Variants in DHRS4L2 observed in about 807,000 individuals in gnomAD.
DHRS4L2 encodes the protein dehydrogenase/reductase 4 like 2, also known as dehydrogenase/reductase SDR family member 4-like 2.
In DHRS4L2, 22 loss-of-function variants were observed where a neutral mutation model predicts 23.9. That is an observed-to-expected ratio of 0.92 (90% CI 0.66 to 1.31). DHRS4L2 has a LOEUF of 1.31. Ranked by LOEUF, DHRS4L2 falls within the 40% of genes most tolerant of loss-of-function variation. The pLI, the probability that DHRS4L2 is intolerant of heterozygous loss-of-function variation, is 0.00. For synonymous variants in DHRS4L2, 141 were observed against 123.7 expected (o/e 1.14, Z -0.93); for missense variants, 385 against 303.3 (o/e 1.27, Z -2.00).
At chr14:23,969,901 G>C (rs554529796) in exon 1 of DHRS4L2, 8 of 431,150 alleles carry the variant, frequency 1.9e-5, no homozygotes, top group East Asian at 7.2e-5. Context: ...TCTCCGGGCC[G>C]GCGTGGGAGC....
Position 23,982,210 on chromosome 14 carries a change from C to T in DHRS4L2, c.-175-7972C>T, listed in dbSNP as rs147603924. On this transcript the variant is annotated intron_variant, in intron 1 of 5. Transcript: ENST00000534993. ...TGCGGCTTTCCGCAGTGCATTGTGC[C>T]CCTGATTTATTGAGACTGAAGAATG... Among the ~76,000 whole-genome samples, 141 of 151,646 alleles carry T rather than the reference C, an allele frequency of 9.3e-4. 1 individual carries two copies. Among genetic ancestry groups the T allele is most frequent in the African/African-American group, 3.3e-3 (138 of 41,338 alleles).
At chr14:23,984,742 G>A (rs1256941310), upstream of DHRS4L2, among the ~76,000 whole-genome samples, 1 of 146,840 alleles carries the variant, frequency 6.8e-6, no homozygotes, top group Non-Finnish European at 1.5e-5. Context: ...GGGAGGCAGA[G>A]GTTGCAGTGA....
At chr14:23,990,056 C>G (rs2138534353) in intron 1 of DHRS4L2, 126 bp from the exon 2 acceptor site, 1 of 1,431,432 alleles carries the variant, frequency 7.0e-7, no homozygotes, top group South Asian at 1.4e-5. Flanking sequence ...ACATAGTAGG[C>G]ACACGTAGGA....
chr14:23,995,761 CT>C (rs1566498033), intron 3 of DHRS4L2, among the ~76,000 whole-genome samples: 2 of 151,698 alleles, frequency 1.3e-5, no homozygotes, highest in Non-Finnish European at 2.9e-5. Context: ...CACACACACC[CT>C]TTAATTACAA....
exon 1 of DHRS4L2, chr14:23,969,892 C>T (rs1332303132): frequency 3.3e-5 from 14 of 424,228 alleles, no homozygotes; most frequent in African/African-American, 2.6e-4. Flanking sequence ...TCGGGCAGCT[C>T]TCCGGGCCGG....
upstream of DHRS4L2, chr14:23,988,891 G>T (rs1566493276): frequency 6.3e-7 from 1 of 1,596,694 alleles, no homozygotes; most frequent in South Asian, 1.1e-5. Flanking sequence ...CTGCCCCTTC[G>T]CCCTACTCTG....
chr14:24,005,920 T>A lies in DHRS4L2; in HGVS notation c.*57T>A. ...GCCAGAGGATTGTGCTGGCATCGTG[T>A]CTTTCCTGTGCTCTGAAGATGCCAG... On this transcript the variant is annotated 3_prime_UTR_variant, in exon 8 of 8. Coordinates refer to ENST00000335125, the MANE Select transcript of DHRS4L2 (RefSeq NM_198083.4). 2 of 1,609,074 alleles carry A rather than the reference T, an allele frequency of 1.2e-6. No homozygotes were observed. The highest frequency in any genetic ancestry group is 1.7e-6 in the Non-Finnish European group (2 of 1,177,984).
intron 3 of DHRS4L2, among the ~76,000 whole-genome samples, chr14:23,999,270 C>A (rs1480001453): frequency 1.4e-5 from 2 of 143,598 alleles, no homozygotes; most frequent in Non-Finnish European, 3.0e-5. Context: ...AAATGTGACC[C>A]AGAGACAAAG....
In DHRS4L2 at chr14:24,004,253, A is replaced by G. The variant is rs2034527388; in HGVS notation, c.666-84A>G. The G allele has an allele frequency of 3.2e-5, 47 of 1,469,376 alleles. No individual in the cohort carries two copies. In the South Asian group the frequency reaches 5.3e-4, roughly 17 times the overall value. The allele number at this position is 1,469,376 out of a possible 1,614,324, so 91.0% of individuals were successfully genotyped here. Reference sequence around the variant, plus strand: ...CACTACAGTCCGGCCTGGGCAAAAGAGCAAGACTCCGTCTCTAAAAAAAAA... The same window carrying G: ...CACTACAGTCCGGCCTGGGCAAAAGGGCAAGACTCCGTCTCTAAAAAAAAA... On this transcript the variant is annotated intron_variant, in intron 6 of 7. Coordinates refer to ENST00000335125, the MANE Select transcript of DHRS4L2 (RefSeq NM_198083.4).
chr14:23,975,145 G>A (rs1335965418), intron 1 of DHRS4L2, among the ~76,000 whole-genome samples: 2 of 151,674 alleles, frequency 1.3e-5, no homozygotes, highest in Admixed American at 1.3e-4. Context: ...AAGTCAAATT[G>A]TCTCTGTTTG....
At chr14:24,001,354 T>C in intron 5 of DHRS4L2, 30 bp from the exon 6 acceptor site, 2 of 1,594,822 alleles carry the variant, frequency 1.3e-6, no homozygotes, top group Non-Finnish European at 1.7e-6. Flanking sequence ...CTGGAAACTA[T>C]GAGTCTAACA....
intron 1 of DHRS4L2, among the ~76,000 whole-genome samples, chr14:23,977,577 G>A (rs1172426650): frequency 6.6e-6 from 1 of 151,708 alleles, no homozygotes; most frequent in Non-Finnish European, 1.5e-5. Flanking sequence ...AAATTTAAAA[G>A]CTGTGGGAAC....
At chr14:23,970,688 T>C (rs1416607002) in intron 1 of DHRS4L2, among the ~76,000 whole-genome samples, 1 of 152,022 alleles carries the variant, frequency 6.6e-6, no homozygotes, top group Admixed American at 6.6e-5. Context: ...CTGACCCCCA[T>C]GTAGCTTGAC....
At position 23,998,374 on chromosome 14, in the gene DHRS4L2, G is replaced by A. The variant is rs1378535382; in HGVS notation, c.409-2489G>A. 5.3e-5 allele frequency among the ~76,000 whole-genome samples: 8 copies of A among 151,058 alleles called. No homozygotes were observed. In the East Asian group the frequency reaches 1.2e-3, roughly 22 times the overall value. ...CAAGAGAATAAGCCTGTCCTTTGAA[G>A]TTTTGAAGCCAGGCATTGACTTCTC... is the stretch of plus-strand genomic sequence containing the variant. On this transcript the variant is annotated intron_variant, in intron 3 of 7. Coordinates refer to ENST00000335125, the MANE Select transcript of DHRS4L2 (RefSeq NM_198083.4).
At position 23,972,727 on chromosome 14, in the gene DHRS4L2, G is replaced by A. The variant is rs1266226543; in HGVS notation, c.-176+2395G>A. 9.2e-5 allele frequency among the ~76,000 whole-genome samples: 14 copies of A among 152,040 alleles called. No homozygotes were observed. In the East Asian group the frequency reaches 1.2e-3, roughly 13 times the overall value. On this transcript the variant is annotated intron_variant, in intron 1 of 5. Coordinates refer to the DHRS4L2 transcript ENST00000534993. ...CATACCAAGGACCTGCACCGGCACC[G>A]GTCTCTGAATTCCCTCAGTTTTTAT...
rs548544146 is a variant in DHRS4L2, at chr14:23,994,490, C to T, written c.307-542C>T. On this transcript the variant is annotated intron_variant, in intron 2 of 7. Transcript: ENST00000335125. Reference sequence around the variant, plus strand: ...ATGGCTTGAGCCCAGGAGTTCCAGACCAGCCTGGGCAACATGGCAAGACCC... The same window carrying T: ...ATGGCTTGAGCCCAGGAGTTCCAGATCAGCCTGGGCAACATGGCAAGACCC... 4.0e-5 allele frequency among the ~76,000 whole-genome samples: 6 copies of T among 151,740 alleles called. No individual in the cohort carries two copies. The East Asian group carries it at 1.2e-3, about 29-fold the overall frequency.
At chr14:23,994,808 CATT>C (rs760834500) in intron 2 of DHRS4L2, among the ~76,000 whole-genome samples, 45 of 151,720 alleles carry the variant, frequency 3.0e-4, no homozygotes, top group Admixed American at 7.9e-4. Context: ...CTTTTGTTGT[CATT>C]GTTGTTGTTG....
chr14:23,980,794 A>G (rs371009617), intron 1 of DHRS4L2, among the ~76,000 whole-genome samples: 14,350 of 141,744 alleles, frequency 0.1, 306 homozygotes, highest in African/African-American at 0.19. Flanking sequence ...AGGTATTGAT[A>G]GAACGTATCT....
At chr14:23,995,873 C>G (rs1311701435) in intron 3 of DHRS4L2, among the ~76,000 whole-genome samples, 1 of 151,718 alleles carries the variant, frequency 6.6e-6, no homozygotes, top group Non-Finnish European at 1.5e-5. Context: ...GCGTTTTACA[C>G]TGATGTTGTA....
Sources: allele counts gnomAD v4.1 joint callset (sites outside exome capture counted in the v4.1 genomes callset), GRCh38; gene constraint gnomAD v4.1.1; transcripts MANE v1.5; gene names NCBI Gene and HGNC (gene_info 2026-07-23, HGNC 2026-07-21).